The following VTI1A variants were observed in gnomAD, a reference collection of about 807,000 sequenced individuals.
VTI1A encodes the protein vesicle transport through interaction with t-SNAREs homolog 1A.
In VTI1A, 22 loss-of-function variants were observed where a neutral mutation model predicts 34.9. That is an observed-to-expected ratio of 0.63 (90% CI 0.45 to 0.90). The LOEUF (loss-of-function observed/expected upper bound fraction) is 0.90. Ranked by LOEUF, VTI1A falls within the 40% of genes least tolerant of loss-of-function variation. The probability of loss-of-function intolerance (pLI) is 0.00; values close to 1 mark genes in which losing one functional copy is unlikely to be tolerated. For missense variants in VTI1A, 268 were observed against 275.6 expected, an observed-to-expected ratio of 0.97 and a Z score of 0.20; for synonymous variants, 87 against 97.3, an observed-to-expected ratio of 0.89 and a Z score of 0.62.
chr10:112,623,395 G>A (rs542158680), intron 5 of VTI1A, among the ~76,000 whole-genome samples: 31 of 151,392 alleles, frequency 2.0e-4, no homozygotes, highest in African/African-American at 6.3e-4. Context: ...GTATATATAC[G>A]TAGATATATT....
intron 7 of VTI1A, among the ~76,000 whole-genome samples, chr10:112,783,757 C>T (rs1421545752): frequency 2.6e-5 from 4 of 152,280 alleles, no homozygotes; most frequent in Admixed American, 6.5e-5. Context: ...CCGTGGCCAC[C>T]TTAACCCTGG....
intron 5 of VTI1A, among the ~76,000 whole-genome samples, chr10:112,650,036 AT>A (rs1846949723): frequency 6.6e-6 from 1 of 152,152 alleles, no homozygotes; most frequent in Non-Finnish European, 1.5e-5. Context: ...CACTAAATTT[AT>A]TTTTAAAATG....
intron 5 of VTI1A, among the ~76,000 whole-genome samples, chr10:112,646,618 C>T (rs1846795854): frequency 6.6e-6 from 1 of 151,954 alleles, no homozygotes; most frequent in Non-Finnish European, 1.5e-5. Context: ...TCAAGCAATT[C>T]CTGTCTCAGC....
chr10:112,679,811 A>C (rs2133857222), intron 7 of VTI1A, among the ~76,000 whole-genome samples: 1 of 151,868 alleles, frequency 6.6e-6, no homozygotes, highest in South Asian at 2.1e-4. Context: ...AAATCAGTTA[A>C]AGATGTCCGA....
intron 5 of VTI1A, among the ~76,000 whole-genome samples, chr10:112,545,977 T>G (rs1320615110): frequency 7.0e-6 from 1 of 143,062 alleles, no homozygotes; most frequent in South Asian, 2.2e-4. Context: ...TGTATACACG[T>G]ATGTGTGTGT....
chr10:112,709,875 G>C (rs113418541), intron 7 of VTI1A, among the ~76,000 whole-genome samples: 5,588 of 149,080 alleles, frequency 0.037, 350 homozygotes, highest in African/African-American at 0.13. Context: ...TATTTTAGTA[G>C]AGACAGAGTT....
chr10:112,592,431 C>T (rs527487683), intron 5 of VTI1A, among the ~76,000 whole-genome samples: 30 of 152,302 alleles, frequency 2.0e-4, no homozygotes, highest in African/African-American at 6.7e-4. Flanking sequence ...CCTCAAAGGA[C>T]CTCTCCTCCA....
Position 112,722,651 on chromosome 10 carries a change from C to T in VTI1A, c.560+53653C>T, listed in dbSNP as rs909734850. Among the ~76,000 whole-genome samples the T allele has an allele frequency of 3.9e-5, 6 of 152,222 alleles. No homozygotes were observed. The East Asian group carries it at 1.2e-3, about 29-fold the overall frequency. On this transcript the variant is annotated intron_variant, in intron 7 of 7. Coordinates refer to ENST00000393077, the MANE Select transcript of VTI1A (RefSeq NM_145206.4). ...TAGTTTTGCAAAGTGCTTCAGAGGT[C>T]AGTGGCTCTCAGCCCTTGTTGCTCG...
intron 2 of VTI1A, among the ~76,000 whole-genome samples, chr10:112,462,551 T>C (rs946614289): frequency 5.3e-5 from 8 of 152,244 alleles, no homozygotes; most frequent in African/African-American, 1.9e-4. Context: ...CAGAGAGTTA[T>C]TTTAAATAAT....
chr10:112,728,053 G>A (rs11196078), intron 7 of VTI1A, among the ~76,000 whole-genome samples: 57,628 of 151,818 alleles, frequency 0.38, 13,531 homozygotes, highest in African/African-American at 0.67. Flanking sequence ...GCAGGCTGCT[G>A]GGGGGACAGT....
At chr10:112,848,778 A>G in the VTI1A span, among the ~76,000 whole-genome samples, 4 of 152,160 alleles carry the variant, frequency 2.6e-5, no homozygotes, top group Non-Finnish European at 4.4e-5. Flanking sequence ...GAGCCCAGAG[A>G]CTGCCCTGAG....
rs954405833 is a variant in VTI1A, at chr10:112,621,020, T to A, written c.428-47198T>A. Among the ~76,000 whole-genome samples the A allele has an allele frequency of 3.3e-5, 5 of 152,308 alleles. No homozygotes were observed. In the East Asian group the frequency reaches 7.7e-4, roughly 24 times the overall value. ...TTTTGGATTTTCTCTGTTCTATAGA[T>A]GGAGAATTCCATCCATATGAAATCT... is the stretch of plus-strand genomic sequence containing the variant. On this transcript the variant is annotated intron_variant, in intron 5 of 7. Transcript: ENST00000393077.
intron 7 of VTI1A, among the ~76,000 whole-genome samples, chr10:112,716,959 C>T (rs1849632616): frequency 6.6e-6 from 1 of 152,160 alleles, no homozygotes; most frequent in Non-Finnish European, 1.5e-5. Context: ...CCCAAGAGCC[C>T]CTTGCCATGA....
In VTI1A at chr10:112,632,017, T is replaced by C. The variant is rs551307754; in HGVS notation, c.428-36201T>C. ...GGTAATTATAACAATATAATTGTAA[T>C]TGTAATTGTAAAAATATACAACTTG... is the stretch of plus-strand genomic sequence containing the variant. On this transcript the variant is annotated intron_variant, in intron 5 of 7. Transcript: ENST00000393077. 1.5e-4 allele frequency among the ~76,000 whole-genome samples: 23 copies of C among 152,322 alleles called. No homozygotes were observed. In the South Asian group the frequency reaches 4.8e-3, roughly 32 times the overall value.
At chr10:112,687,979 G>A (rs1239228166) in intron 7 of VTI1A, among the ~76,000 whole-genome samples, 5 of 146,576 alleles carry the variant, frequency 3.4e-5, no homozygotes, top group African/African-American at 1.3e-4. Flanking sequence ...TTTAAGACTG[G>A]GTCTTGCTCT....
intron 5 of VTI1A, among the ~76,000 whole-genome samples, chr10:112,647,638 T>A (rs1041178549): frequency 9.9e-5 from 15 of 152,232 alleles, no homozygotes; most frequent in African/African-American, 3.6e-4. Flanking sequence ...ATTAAAGTTG[T>A]CAAGACTAAA....
At chr10:112,681,591 G>T (rs781450384) in intron 7 of VTI1A, among the ~76,000 whole-genome samples, 2 of 152,020 alleles carry the variant, frequency 1.3e-5, no homozygotes, top group South Asian at 2.1e-4. Flanking sequence ...TTTAAGTAAG[G>T]CTTGAAATCA....
intron 5 of VTI1A, among the ~76,000 whole-genome samples, chr10:112,658,719 G>A (rs552342767): frequency 1.8e-4 from 28 of 152,264 alleles, no homozygotes; most frequent in Non-Finnish European, 2.8e-4. Context: ...ATAGTACCTG[G>A]CTGTTCTAAA....
At chr10:112,632,939 G>C (rs1213907438) in intron 5 of VTI1A, among the ~76,000 whole-genome samples, 1 of 152,130 alleles carries the variant, frequency 6.6e-6, no homozygotes, top group Admixed American at 6.5e-5. Flanking sequence ...TTCTTATTTT[G>C]TTGTAAGTTA....
Sources: gnomAD v4.1 joint callset for allele counts (sites outside exome capture counted in the v4.1 genomes callset) on GRCh38, gnomAD v4.1.1 for gene constraint, MANE v1.5 for transcripts, NCBI Gene and HGNC (gene_info 2026-07-23, HGNC 2026-07-21) for gene names.